The following RANBP17 variants were observed in gnomAD, a reference collection of about 807,000 sequenced individuals.
RANBP17 encodes RAN binding protein 17, also known as ran-binding protein 17.
RANBP17 carries 158 observed loss-of-function variants against 141.2 expected under a neutral mutation model. The ratio of observed to expected loss-of-function variants is 1.12; its 90% CI spans 0.98 to 1.28. RANBP17 has a LOEUF of 1.28. Ranked by LOEUF, RANBP17 falls within the 50% of genes most tolerant of loss-of-function variation. RANBP17 has a pLI of 0.00. For missense variants in RANBP17, 1,438 were observed against 1,290.7 expected (o/e 1.11, Z -1.75); for synonymous variants, 430 against 450.0 (o/e 0.96, Z 0.56).
At chr5:171,128,782 A>G (rs1275272720) in intron 14 of RANBP17, among the ~76,000 whole-genome samples, 1 of 151,614 alleles carries the variant, frequency 6.6e-6, no homozygotes, top group Non-Finnish European at 1.5e-5. Flanking sequence ...ATAAATATAT[A>G]CAATGATTAT....
At chr5:171,138,362 T>A (rs1757459399) in intron 14 of RANBP17, among the ~76,000 whole-genome samples, 2 of 152,114 alleles carry the variant, frequency 1.3e-5, no homozygotes, top group East Asian at 1.9e-4. Flanking sequence ...TAAGGTTGAC[T>A]CATGAATGCC....
intron 14 of RANBP17, among the ~76,000 whole-genome samples, chr5:171,111,750 T>C (rs959411984): frequency 1.3e-5 from 2 of 152,238 alleles, no homozygotes; most frequent in Middle Eastern, 3.2e-3. Flanking sequence ...CTGTGATTTC[T>C]TCTCTGCATT....
chr5:170,918,725 C>A lies in RANBP17; in HGVS notation c.967C>A (p.Pro323Thr), dbSNP rs773026369. Residue 323 changes from proline to threonine, a missense_variant, in exon 10 of 28, where the codon CCA becomes ACA. Pro to Thr is a conservative substitution (Grantham distance 38). Coordinates refer to ENST00000523189, the MANE Select transcript of RANBP17 (RefSeq NM_022897.5). Reference sequence around the variant, plus strand: ...TCTCATAATTTAGGGTTTGTCTGATCCAGGTAATTATCATGAATTTTGTCG... The same window carrying A: ...TCTCATAATTTAGGGTTTGTCTGATACAGGTAATTATCATGAATTTTGTCG... The part of the protein sequence containing the change: ...ILENPQGLSD[P>T]GNYHEFCRFL... 1.9e-6 allele frequency: 3 copies of A among 1,601,858 alleles called. No homozygotes were observed. Among genetic ancestry groups the A allele is most frequent in the Admixed American group, 3.4e-5 (2 of 58,464 alleles).
intron 14 of RANBP17, among the ~76,000 whole-genome samples, chr5:171,034,526 A>G (rs554403241): frequency 7.9e-5 from 12 of 152,326 alleles, no homozygotes; most frequent in Admixed American, 4.6e-4. Context: ...ATATTCTTCA[A>G]TGAAGAAAAC....
intron 14 of RANBP17, among the ~76,000 whole-genome samples, chr5:171,051,326 C>T (rs1020738472): frequency 6.6e-6 from 1 of 152,126 alleles, no homozygotes; most frequent in Non-Finnish European, 1.5e-5. Flanking sequence ...CCACCTCTCT[C>T]TAGTTTTAAA....
chr5:171,102,853 C>T (rs1404889151), intron 14 of RANBP17, among the ~76,000 whole-genome samples: 1 of 152,088 alleles, frequency 6.6e-6, no homozygotes, highest in Non-Finnish European at 1.5e-5. Context: ...AACAGTCAGA[C>T]CCCTCTGCTG....
intron 14 of RANBP17, among the ~76,000 whole-genome samples, chr5:171,075,802 A>G (rs1187593727): frequency 6.6e-6 from 1 of 152,018 alleles, no homozygotes; most frequent in Non-Finnish European, 1.5e-5. Flanking sequence ...AAAATACAAA[A>G]ATTAGCTGGG....
At chr5:171,253,492 A>G (rs1203567953) in intron 24 of RANBP17, among the ~76,000 whole-genome samples, 1 of 152,190 alleles carries the variant, frequency 6.6e-6, no homozygotes, top group Non-Finnish European at 1.5e-5. Flanking sequence ...TGATGTAAAA[A>G]CTAACATGCT....
At position 171,242,826 on chromosome 5, in the gene RANBP17, G is replaced by A. The variant is rs1234329838; in HGVS notation, c.2776+6G>A. ...AGAGGGACTCACTACTCTTGGTAAG[G>A]ATCATAGAGGACATTGTTTCCATAG... On this transcript the variant is annotated splice_donor_region_variant and intron_variant, in intron 24 of 27. Transcript: ENST00000523189. 4 of 1,612,696 alleles carry A rather than the reference G, an allele frequency of 2.5e-6. No homozygotes were observed. In the South Asian group the frequency reaches 4.4e-5, roughly 18 times the overall value.
chr5:171,278,931 G>T (rs1767690290), intron 25 of RANBP17, among the ~76,000 whole-genome samples: 1 of 152,092 alleles, frequency 6.6e-6, no homozygotes, highest in Admixed American at 6.5e-5. Context: ...ACGATATGCA[G>T]GTACCACTTT....
chr5:171,201,355 G>A (rs183865013), intron 19 of RANBP17, among the ~76,000 whole-genome samples: 42 of 152,318 alleles, frequency 2.8e-4, no homozygotes, highest in African/African-American at 9.6e-4. Context: ...CTAGAGTAAT[G>A]CTGTGTAGGC....
chr5:171,265,140 G>T (rs1766583069), intron 24 of RANBP17, among the ~76,000 whole-genome samples: 1 of 152,192 alleles, frequency 6.6e-6, no homozygotes, highest in Admixed American at 6.5e-5. Context: ...AGGTTGTTAA[G>T]GTCGCAGATG....
intron 5 of RANBP17, among the ~76,000 whole-genome samples, chr5:170,907,611 G>T (rs1026413112): frequency 6.6e-6 from 1 of 151,890 alleles, no homozygotes; most frequent in African/African-American, 2.4e-5. Context: ...GTCTAAGATA[G>T]TGTGCATATA....
At chr5:171,166,306 G>T (rs1274766586) in intron 14 of RANBP17, among the ~76,000 whole-genome samples, 1 of 152,100 alleles carries the variant, frequency 6.6e-6, no homozygotes, top group Non-Finnish European at 1.5e-5. Context: ...TTCTCTGAAG[G>T]ATGACCACAC....
chr5:171,145,777 T>C (rs1297688715), intron 14 of RANBP17, among the ~76,000 whole-genome samples: 1 of 152,088 alleles, frequency 6.6e-6, no homozygotes, highest in Non-Finnish European at 1.5e-5. Context: ...CCATATTTCA[T>C]TCCCAAAAAA....
intron 14 of RANBP17, among the ~76,000 whole-genome samples, chr5:170,976,061 A>C (rs1278280670): frequency 1.3e-5 from 2 of 152,140 alleles, no homozygotes; most frequent in African/African-American, 2.4e-5. Flanking sequence ...AAGGGATTAC[A>C]TCTCTACTTG....
chr5:170,968,392 G>T lies in RANBP17; in HGVS notation c.1710+15G>T. 6.2e-7 allele frequency: 1 copy of T among 1,601,270 alleles called. No individual in the cohort carries two copies. Among genetic ancestry groups the T allele is most frequent in the South Asian group, 1.1e-5 (1 of 88,832 alleles). On this transcript the variant is annotated intron_variant, in intron 14 of 27. Coordinates refer to ENST00000523189, the MANE Select transcript of RANBP17 (RefSeq NM_022897.5). Reference sequence around the variant, plus strand: ...GAACCTCAAAGGTAGGTTTCTACTAGAGAGTTTAAAACATGTTATTGGGGA... The same window carrying T: ...GAACCTCAAAGGTAGGTTTCTACTATAGAGTTTAAAACATGTTATTGGGGA...
chr5:171,028,938 G>A (rs1376996152), intron 14 of RANBP17: 1 of 1,288,440 alleles, frequency 7.8e-7, no homozygotes, highest in African/African-American at 1.5e-5. Context: ...TCTTCCTTGA[G>A]AACGATCTGA....
At chr5:171,186,831 CT>C (rs1761293145) in intron 18 of RANBP17, among the ~76,000 whole-genome samples, 1 of 152,026 alleles carries the variant, frequency 6.6e-6, no homozygotes, top group Non-Finnish European at 1.5e-5. Context: ...ACCAGTGAAA[CT>C]TTCTTTATAT....
Sources: gnomAD v4.1 joint callset for allele counts (sites outside exome capture counted in the v4.1 genomes callset) on GRCh38, gnomAD v4.1.1 for gene constraint, MANE v1.5 for transcripts, NCBI Gene and HGNC (gene_info 2026-07-23, HGNC 2026-07-21) for gene names.